Variants in MINK1 observed in about 807,000 individuals in gnomAD.
MINK1 encodes the protein misshapen-like kinase 1.
In MINK1, 46 loss-of-function variants were observed where a neutral mutation model predicts 178.4. That is an observed-to-expected ratio of 0.26 (90% CI 0.20 to 0.33). MINK1 has a LOEUF of 0.33. Ranked by LOEUF, MINK1 falls within the 10% of genes least tolerant of loss-of-function variation. The pLI is 1.00. For missense variants in MINK1, 1,366 were observed against 1,814.9 expected, an observed-to-expected ratio of 0.75 and a Z score of 4.49; for synonymous variants, 797 against 709.7, an observed-to-expected ratio of 1.12 and a Z score of -1.96.
intron 1 of MINK1, among the ~76,000 whole-genome samples, chr17:4,848,310 T>C (rs1294448600): frequency 2.0e-5 from 3 of 152,202 alleles, no homozygotes; most frequent in Admixed American, 6.5e-5. Context: ...ACCCCAGTTC[T>C]GTCACTTACT....
chr17:4,854,994 G>C (rs1912790859), intron 1 of MINK1, among the ~76,000 whole-genome samples: 1 of 151,840 alleles, frequency 6.6e-6, no homozygotes, highest in Non-Finnish European at 1.5e-5. Flanking sequence ...ATCACTTGAG[G>C]TCAGCAATTC....
chr17:4,894,090 G>A lies in MINK1; in HGVS notation c.2667G>A (p.Gln889=), dbSNP rs1330718224. The A allele has an allele frequency of 4.4e-6, 7 of 1,592,658 alleles. No homozygotes were observed. Among genetic ancestry groups the A allele is most frequent in the Non-Finnish European group, 6.0e-6 (7 of 1,167,748 alleles). Residue 889 remains glutamine, a synonymous_variant, in exon 22 of 32, where the codon CAG becomes CAA. Coordinates refer to ENST00000355280, the MANE Select transcript of MINK1 (RefSeq NM_153827.5). This position sits in a 1 kb window ranked among gnomAD's most constrained non-coding sequence, Gnocchi z 4.1. ...ACGGGGGCGGCACCATGGTGGTCCA[G>A]CGCGTGAGTGAGCCTCTGCTCCCTC... ...PPYGGGTMVV[Q]RTPEEERNLL...
At chr17:4,893,250 T>G (rs938346045) in intron 20 of MINK1, 183 bp downstream of exon 20, 1 of 1,613,404 alleles carries the variant, frequency 6.2e-7, no homozygotes, top group African/African-American at 1.3e-5. Flanking sequence ...TCCTAACCTC[T>G]CTTCTGGCTC....
At chr17:4,861,613 G>T (rs1340691892) in intron 1 of MINK1, 1 of 243,132 alleles carries the variant, frequency 4.1e-6, no homozygotes, top group South Asian at 3.4e-5. Flanking sequence ...CGATTCTCCT[G>T]CCCCAGCCTC....
At chr17:4,848,447 G>A (rs1191364791) in intron 1 of MINK1, among the ~76,000 whole-genome samples, 2 of 152,268 alleles carry the variant, frequency 1.3e-5, no homozygotes, top group East Asian at 1.9e-4. Flanking sequence ...TGCAAACTCC[G>A]CCTGCCAGGT....
In MINK1 at chr17:4,886,025, T is replaced by A; in HGVS notation, c.694+60T>A. Reference sequence around the variant, plus strand: ...GGAAAGGAAGGGCCCAGAGAGTGGCTGTAGGGAGGAGGTGGGTCCTGGGAC... The same window carrying A: ...GGAAAGGAAGGGCCCAGAGAGTGGCAGTAGGGAGGAGGTGGGTCCTGGGAC... On this transcript the variant is annotated intron_variant, in intron 8 of 31. Transcript: ENST00000355280. The surrounding 1 kb of genome is among the most constrained non-coding windows in gnomAD (Gnocchi z 6.1). 3.7e-6 allele frequency: 6 copies of A among 1,609,892 alleles called. No homozygotes were observed. Among genetic ancestry groups the A allele is most frequent in the Non-Finnish European group, 4.3e-6 (5 of 1,176,356 alleles).
chr17:4,887,556 C>T lies in MINK1; in HGVS notation c.1020-24C>T. The T allele has an allele frequency of 6.8e-7, 1 of 1,478,974 alleles. No individual in the cohort carries two copies. 91.6% of individuals were successfully genotyped at this position (1,478,974 alleles called of 1,614,324 possible). ...AACCAACAGGGTTCTGACCCCAGTG[C>T]TTCTTTGTGCCACCCCTGCCCAGCT... On this transcript the variant is annotated intron_variant, in intron 11 of 31. Coordinates refer to ENST00000355280, the MANE Select transcript of MINK1 (RefSeq NM_153827.5). This position sits in a 1 kb window ranked among gnomAD's most constrained non-coding sequence, Gnocchi z 7.6.
At chr17:4,891,181 C>CGTGTGTGTGTACCTGTGCTCTG in intron 15 of MINK1, 57 bp downstream of exon 15, 2 of 1,354,986 alleles carry the variant, frequency 1.5e-6, no homozygotes, top group Non-Finnish European at 2.0e-6. Flanking sequence ...GTTCAGAGCA[C>CGTGTGTGTGTACCTGTGCTCTG]AGGTACACAC....
At chr17:4,875,823 C>G (rs996538669) in intron 1 of MINK1, among the ~76,000 whole-genome samples, 2 of 151,490 alleles carry the variant, frequency 1.3e-5, no homozygotes, top group Admixed American at 1.3e-4. Flanking sequence ...CGAGACAGAG[C>G]CTTGCTCTGT....
intron 4 of MINK1, chr17:4,883,209 CTT>C (rs571332353): frequency 9.9e-5 from 14 of 141,668 alleles, no homozygotes; most frequent in Non-Finnish European, 1.4e-4. Context: ...GCAGAAGTTC[CTT>C]TTTTTTTTTT....
intron 1 of MINK1, chr17:4,844,480 C>T: frequency 4.3e-6 from 2 of 460,348 alleles, no homozygotes; most frequent in South Asian, 3.1e-5. Context: ...TACTGCCCTC[C>T]AGGAGCACTT....
intron 1 of MINK1, chr17:4,875,452 G>C (rs2150966044): frequency 2.2e-6 from 1 of 453,594 alleles, no homozygotes; most frequent in African/African-American, 2.0e-5. Context: ...TCCCACCTGG[G>C]CAACAGAGCG....
intron 1 of MINK1, among the ~76,000 whole-genome samples, chr17:4,853,637 A>T (rs1912570972): frequency 6.6e-6 from 1 of 152,030 alleles, no homozygotes; most frequent in Admixed American, 6.5e-5. Context: ...TTAAGTGCAG[A>T]TGCAGTCATG....
intron 1 of MINK1, chr17:4,834,775 C>G (rs546848621): frequency 7.5e-5 from 39 of 520,080 alleles, no homozygotes; most frequent in Admixed American, 7.2e-4. Flanking sequence ...CTTCCCATCT[C>G]TAGGTTCGCT....
chr17:4,862,876 G>A (rs1263579591), intron 1 of MINK1, among the ~76,000 whole-genome samples: 1 of 151,790 alleles, frequency 6.6e-6, no homozygotes, highest in Admixed American at 6.6e-5. Flanking sequence ...TACAAAAAAG[G>A]TTTTAAAAAG....
At chr17:4,845,182 C>T (rs1377035254) in intron 1 of MINK1, among the ~76,000 whole-genome samples, 1 of 152,126 alleles carries the variant, frequency 6.6e-6, no homozygotes, top group Non-Finnish European at 1.5e-5. Context: ...CAGAACACAA[C>T]CCCCCTCCCA....
intron 1 of MINK1, among the ~76,000 whole-genome samples, chr17:4,839,532 C>G (rs1202415630): frequency 6.6e-6 from 1 of 152,152 alleles, no homozygotes; most frequent in Admixed American, 6.5e-5. Context: ...GATACAAAAA[C>G]GTGACTTGGT....
At chr17:4,893,890 TAG>T in intron 21 of MINK1, 96 bp from the exon 22 acceptor site, 1 of 1,063,822 alleles carries the variant, frequency 9.4e-7, no homozygotes, top group Non-Finnish European at 1.3e-6. Context: ...GTGTTTTGAA[TAG>T]AGACAAAAGC....
intron 1 of MINK1, chr17:4,834,744 C>T: frequency 3.8e-6 from 2 of 519,908 alleles, no homozygotes; most frequent in South Asian, 2.8e-5. Context: ...CTCACCAGGC[C>T]AAGGTGTGGG....
Sources: gnomAD v4.1 joint callset for allele counts (sites outside exome capture counted in the v4.1 genomes callset) on GRCh38, gnomAD v4.1.1 for gene constraint, Gnocchi (gnomAD v3.1) non-coding constraint, MANE v1.5 for transcripts, NCBI Gene and HGNC (gene_info 2026-07-23, HGNC 2026-07-21) for gene names.